SRGAP2: variants seen among roughly 807,000 people sequenced by gnomAD.
SRGAP2 encodes SLIT-ROBO Rho GTPase activating protein 2, also known as SLIT-ROBO Rho GTPase-activating protein 2.
Under a neutral mutation model 57.2 loss-of-function variants are expected in SRGAP2, and 15 were observed. The ratio of observed to expected loss-of-function variants is 0.26; its 90% CI spans 0.18 to 0.40. The LOEUF (loss-of-function observed/expected upper bound fraction) is 0.40. Ranked by LOEUF, SRGAP2 falls within the 10% of genes least tolerant of loss-of-function variation. The pLI is 1.00. For synonymous variants in SRGAP2, 249 were observed against 248.0 expected (o/e 1.00, Z -0.04); for missense variants, 520 against 669.6 (o/e 0.78, Z 2.47).
At chr1:206,322,753 G>A (rs376109227) in intron 3 of SRGAP2, among the ~76,000 whole-genome samples, 11 of 143,808 alleles carry the variant, frequency 7.6e-5, no homozygotes, top group South Asian at 4.4e-4. Flanking sequence ...GTTTTGTGTC[G>A]CCATAACAGA....
intron 11 of SRGAP2, among the ~76,000 whole-genome samples, chr1:206,416,605 C>A (rs372489322): frequency 1.3e-5 from 2 of 152,262 alleles, no homozygotes; most frequent in East Asian, 3.9e-4. Flanking sequence ...GAGAACTGGA[C>A]CGGCACTCTG....
At position 206,313,021 on chromosome 1, in the gene SRGAP2, TCTC is replaced by T. The variant is rs1553324772; in HGVS notation, c.260+9551_260+9553del. Among the ~76,000 whole-genome samples the T allele has an allele frequency of 2.0e-5, 3 of 152,236 alleles. No homozygotes were observed. The East Asian group carries it at 5.8e-4, about 29-fold the overall frequency. On this transcript the variant is annotated intron_variant, in intron 3 of 22. Transcript: ENST00000573034. ...TCGGTCATAGCTCACTTGGTTTTGA[TCTC>T]CTGCTTTTAATAGCTCATTTTTTTA...
chr1:206,436,750 C>T (rs991218073), intron 14 of SRGAP2, among the ~76,000 whole-genome samples: 1 of 152,202 alleles, frequency 6.6e-6, no homozygotes. Flanking sequence ...AAAGGAGTCT[C>T]TAACTTGGTG....
At chr1:206,230,565 T>C (rs1667567221) in intron 2 of SRGAP2, among the ~76,000 whole-genome samples, 1 of 151,978 alleles carries the variant, frequency 6.6e-6, no homozygotes, top group Admixed American at 6.5e-5. Flanking sequence ...TACCAGGCTC[T>C]GGTCTGGTGC....
intron 4 of SRGAP2, among the ~76,000 whole-genome samples, chr1:206,354,858 CCTT>C (rs1200023616): frequency 2.0e-5 from 3 of 149,058 alleles, no homozygotes; most frequent in African/African-American, 7.5e-5. Flanking sequence ...TTCTCCCTCT[CCTT>C]GTTTCCTCCC....
At chr1:206,216,275 T>A (rs1166936264) in intron 2 of SRGAP2, among the ~76,000 whole-genome samples, 1 of 152,192 alleles carries the variant, frequency 6.6e-6, no homozygotes, top group Non-Finnish European at 1.5e-5. Flanking sequence ...ACCAAATTTC[T>A]TCAGTCACAT....
chr1:206,280,193 C>T (rs1368700859), intron 2 of SRGAP2, among the ~76,000 whole-genome samples: 3 of 147,612 alleles, frequency 2.0e-5, no homozygotes, highest in Non-Finnish European at 3.0e-5. Flanking sequence ...GCAATTCTCC[C>T]GTCAGCCTCC....
intron 2 of SRGAP2, among the ~76,000 whole-genome samples, chr1:206,249,725 C>T (rs1668723768): frequency 6.6e-6 from 1 of 151,546 alleles, no homozygotes; most frequent in Admixed American, 6.6e-5. Flanking sequence ...ACATATATCC[C>T]AGAACTTAAA....
chr1:206,241,514 G>T (rs2102551535), intron 2 of SRGAP2, among the ~76,000 whole-genome samples: 1 of 150,568 alleles, frequency 6.6e-6, no homozygotes, highest in African/African-American at 2.4e-5. Context: ...CCTAGGGACA[G>T]CTTCACTTAA....
intron 14 of SRGAP2, among the ~76,000 whole-genome samples, chr1:206,434,010 C>A (rs185637998): frequency 6.6e-6 from 1 of 152,246 alleles, no homozygotes; most frequent in East Asian, 1.9e-4. Flanking sequence ...CAAATAGGGG[C>A]TTAAGGTGCT....
chr1:206,309,301 G>C (rs1374858888), intron 3 of SRGAP2, among the ~76,000 whole-genome samples: 1 of 151,654 alleles, frequency 6.6e-6, no homozygotes, highest in Non-Finnish European at 1.5e-5. Flanking sequence ...TAAATAAGTA[G>C]AGTAGACCCC....
chr1:206,441,154 G>A (rs551755788), intron 17 of SRGAP2, among the ~76,000 whole-genome samples: 3 of 152,216 alleles, frequency 2.0e-5, no homozygotes, highest in Non-Finnish European at 4.4e-5. Context: ...AGAAGACAAG[G>A]TGTGGAGAAA....
chr1:206,395,832 T>TAAA (rs782646324), intron 7 of SRGAP2, among the ~76,000 whole-genome samples: 32 of 141,546 alleles, frequency 2.3e-4, no homozygotes, highest in African/African-American at 8.4e-4. Context: ...TTTCATCATT[T>TAAA]AAAAAAAAAA....
Position 206,333,067 on chromosome 1 carries a change from C to G in SRGAP2, c.261-9779C>G, listed in dbSNP as rs868936029. Among the ~76,000 whole-genome samples the G allele has an allele frequency of 1.4e-4, 18 of 132,676 alleles. No homozygotes were observed. The South Asian group carries it at 4.5e-3, about 33-fold the overall frequency. 87.0% of individuals were successfully genotyped at this position (132,676 alleles called of 152,430 possible). A position where few individuals can be genotyped will look rare whatever the true frequency, so the allele number is the denominator to read the frequency against. On this transcript the variant is annotated intron_variant, in intron 3 of 22. Coordinates refer to ENST00000573034, the MANE Select transcript of SRGAP2 (RefSeq NM_015326.5). ...CTGCAGGTCTGTTGGAATACCCTGC[C>G]GTGTGAGGTGTCAGTGTGCCCCTGC...
At chr1:206,458,516 C>A in intron 21 of SRGAP2, 107 bp from the exon 22 acceptor site, 1 of 698,812 alleles carries the variant, frequency 1.4e-6, no homozygotes, top group Non-Finnish European at 2.7e-6. Flanking sequence ...CTGTGTCCCT[C>A]TCCTTCCGAA....
At chr1:206,357,674 C>T (rs573399055) in intron 4 of SRGAP2, among the ~76,000 whole-genome samples, 1,614 of 149,918 alleles carry the variant, frequency 0.011, 13 homozygotes, top group Non-Finnish European at 0.016. Flanking sequence ...ACCTCCGCCT[C>T]CCGGGTTCAA....
chr1:206,432,294 T>C (rs187207790), intron 14 of SRGAP2, among the ~76,000 whole-genome samples: 2 of 152,292 alleles, frequency 1.3e-5, no homozygotes, highest in African/African-American at 4.8e-5. Flanking sequence ...GGTGAAGCTC[T>C]GGGGAAACAG....
intron 5 of SRGAP2, among the ~76,000 whole-genome samples, chr1:206,389,580 G>T (rs1306197744): frequency 1.3e-5 from 2 of 152,024 alleles, no homozygotes; most frequent in Non-Finnish European, 2.9e-5. Flanking sequence ...GCTGCTTCCT[G>T]GCTCACTCTA....
At chr1:206,358,164 T>C (rs1676600201) in intron 4 of SRGAP2, among the ~76,000 whole-genome samples, 1 of 152,116 alleles carries the variant, frequency 6.6e-6, no homozygotes, top group African/African-American at 2.4e-5. Context: ...GCTGGCTCAG[T>C]GGAGTTCTTT....
Sources: gnomAD v4.1 joint callset for allele counts (sites outside exome capture counted in the v4.1 genomes callset) on GRCh38, gnomAD v4.1.1 for gene constraint, MANE v1.5 for transcripts, NCBI Gene and HGNC (gene_info 2026-07-23, HGNC 2026-07-21) for gene names.